Variants in KRT8 observed in about 807,000 individuals in gnomAD.
The protein encoded by KRT8 is keratin, type II cytoskeletal 8.
A neutral mutation model predicts 43.0 loss-of-function variants in KRT8; 24 were observed. The observed-to-expected ratio is 0.56, with a 90% CI of 0.40 to 0.78. KRT8 has a LOEUF of 0.78. Among genes scored for constraint, KRT8 ranks in the 30% least tolerant of loss-of-function variants. The probability of loss-of-function intolerance (pLI) is 0.00; values close to 1 mark genes in which losing one functional copy is unlikely to be tolerated. For synonymous variants in KRT8, 214 were observed against 261.2 expected (o/e 0.82, Z 1.74); for missense variants, 492 against 638.4 (o/e 0.77, Z 2.47).
At chr12:52,945,128 A>G (rs745312164) in intron 2 of KRT8, among the ~76,000 whole-genome samples, 15 of 151,696 alleles carry the variant, frequency 9.9e-5, no homozygotes, top group Non-Finnish European at 2.1e-4. Flanking sequence ...TTCCCATTCC[A>G]CCCCAGATTC....
chr12:52,939,524 C>T (rs563632935), intron 2 of KRT8, among the ~76,000 whole-genome samples: 54 of 151,588 alleles, frequency 3.6e-4, no homozygotes, highest in South Asian at 1.3e-3. Flanking sequence ...AGTTTGAGAC[C>T]GGCCTGGCCA....
chr12:52,929,525 C>T (rs537627485), intron 2 of KRT8, among the ~76,000 whole-genome samples: 48 of 152,284 alleles, frequency 3.2e-4, no homozygotes, highest in Non-Finnish European at 5.9e-4. Flanking sequence ...CTTTGGCTTC[C>T]TGACATTGCC....
At chr12:52,919,154 C>T (rs183732772) in intron 2 of KRT8, among the ~76,000 whole-genome samples, 8 of 152,302 alleles carry the variant, frequency 5.3e-5, no homozygotes, top group Admixed American at 2.0e-4. Flanking sequence ...TGCCTACTGA[C>T]GCCCACTTGC....
At chr12:52,936,843 C>T (rs913759056) in intron 2 of KRT8, among the ~76,000 whole-genome samples, 1 of 152,052 alleles carries the variant, frequency 6.6e-6, no homozygotes, top group African/African-American at 2.4e-5. Context: ...AGCATCAAAG[C>T]ATAATCCATA....
At chr12:52,898,938 A>G (rs1381781647) in intron 5 of KRT8, 39 bp from the exon 6 acceptor site, 2 of 1,587,282 alleles carry the variant, frequency 1.3e-6, no homozygotes, top group African/African-American at 1.3e-5. Flanking sequence ...CAGGTTGGGT[A>G]TGCCTTCTCT....
intron 2 of KRT8, among the ~76,000 whole-genome samples, chr12:52,918,996 G>A (rs139276302): frequency 6.6e-6 from 1 of 152,168 alleles, no homozygotes; most frequent in Non-Finnish European, 1.5e-5. Flanking sequence ...GCTCAGCAGG[G>A]TGGAGGGTAA....
chr12:52,926,336 T>TCCCCCCCCCCCCCCCCCC, intron 2 of KRT8: 1 of 385,522 alleles, frequency 2.6e-6, no homozygotes, highest in Admixed American at 3.6e-5. Flanking sequence ...CTAGCTGCCC[T>TCCCCCCCCCCCCCCCCCC]CCCCACCCCA....
At chr12:52,923,137 G>C (rs924720612) in intron 2 of KRT8, among the ~76,000 whole-genome samples, 1 of 152,190 alleles carries the variant, frequency 6.6e-6, no homozygotes, top group African/African-American at 2.4e-5. Flanking sequence ...CCTCCAAAGT[G>C]CTCTAGGATG....
At chr12:52,909,310 G>T (rs566435383), upstream of KRT8, among the ~76,000 whole-genome samples, 1 of 152,214 alleles carries the variant, frequency 6.6e-6, no homozygotes, top group East Asian at 1.9e-4. Context: ...AAAAGCACCC[G>T]AAATCCCTTT....
chr12:52,906,551 C>G (rs920541688), upstream of KRT8: 48 of 382,828 alleles, frequency 1.3e-4, 1 homozygote, highest in African/African-American at 9.3e-4. Flanking sequence ...GGGAGCTGAG[C>G]AAGGCACCCC....
intron 2 of KRT8, among the ~76,000 whole-genome samples, chr12:52,925,185 C>T (rs1246267173): frequency 2.0e-5 from 3 of 152,118 alleles, no homozygotes; most frequent in Admixed American, 1.3e-4. Context: ...TGTAGTAATT[C>T]CAGGAAAAGA....
chr12:52,927,237 G>A (rs192621876), intron 2 of KRT8, among the ~76,000 whole-genome samples: 1 of 152,254 alleles, frequency 6.6e-6, no homozygotes, highest in East Asian at 1.9e-4. Context: ...ATAGACCCAG[G>A]AGAGTTCCAG....
At chr12:52,917,120 T>C (rs1460674262) in intron 2 of KRT8, among the ~76,000 whole-genome samples, 2 of 152,226 alleles carry the variant, frequency 1.3e-5, no homozygotes, top group Non-Finnish European at 2.9e-5. Context: ...CCGGGCACAC[T>C]GGCTCATGCC....
upstream of KRT8, among the ~76,000 whole-genome samples, chr12:52,911,168 A>G (rs1941629160): frequency 6.6e-6 from 1 of 152,150 alleles, no homozygotes; most frequent in South Asian, 2.1e-4. Context: ...CCTGGCCAAC[A>G]TGGTGAAACC....
chr12:52,915,474 G>A (rs1198655052), intron 2 of KRT8, among the ~76,000 whole-genome samples: 1 of 151,976 alleles, frequency 6.6e-6, no homozygotes. Flanking sequence ...TCAGGAGGCT[G>A]AGGCGGGTGG....
chr12:52,914,084 A>C (rs921270758), intron 2 of KRT8, among the ~76,000 whole-genome samples: 4 of 152,062 alleles, frequency 2.6e-5, no homozygotes, highest in East Asian at 1.9e-4. Context: ...TTAGCTGGGC[A>C]TGGTGGCAGG....
chr12:52,940,313 G>A (rs1942244719), intron 2 of KRT8, among the ~76,000 whole-genome samples: 1 of 151,550 alleles, frequency 6.6e-6, no homozygotes, highest in Admixed American at 6.6e-5. Context: ...CATGCTTGTA[G>A]TCCCAGCTAC....
At chr12:52,914,506 C>T (rs1214579256) in intron 2 of KRT8, among the ~76,000 whole-genome samples, 1 of 152,158 alleles carries the variant, frequency 6.6e-6, no homozygotes, top group African/African-American at 2.4e-5. Flanking sequence ...CATTGCACTC[C>T]AGCCTGGGCA....
intron 2 of KRT8, chr12:52,901,658 T>G: frequency 1.6e-6 from 1 of 607,160 alleles, no homozygotes; most frequent in Non-Finnish European, 2.9e-6. Context: ...CAGTTGAGAT[T>G]GAAAGGGGGT....
Sources: gnomAD v4.1 joint callset for allele counts (sites outside exome capture counted in the v4.1 genomes callset) on GRCh38, gnomAD v4.1.1 for gene constraint, MANE v1.5 for transcripts, NCBI Gene and HGNC (gene_info 2026-07-23, HGNC 2026-07-21) for gene names.